Variants in GPR50 observed in about 807,000 individuals in gnomAD.
The protein encoded by GPR50 is G protein-coupled receptor 50, also known as melatonin-related receptor.
GPR50 carries 1 observed loss-of-function variant against 2.6 expected under a neutral mutation model. That is an observed-to-expected ratio of 0.38 (90% CI 0.13 to 1.79). The LOEUF is 1.79. Ranked by LOEUF, GPR50 falls within the 40% of genes most tolerant of loss-of-function variation. GPR50 has a pLI of 0.33. For missense variants in GPR50, 535 were observed against 522.1 expected, an observed-to-expected ratio of 1.02 and a Z score of -0.24; for synonymous variants, 233 against 202.3, an observed-to-expected ratio of 1.15 and a Z score of -1.29.
chrX:151,181,679 T>C (rs2048716210), downstream of GPR50, among the ~76,000 whole-genome samples: 1 of 111,849 alleles, frequency 8.9e-6, no homozygotes, highest in Non-Finnish European at 1.9e-5. Context: ...TGACATCTGT[T>C]GTTCCAAACC....
rs2048703149 is a variant in GPR50, at chrX:151,180,143, T to A, written c.560T>A (p.Val187Asp). Residue 187 changes from valine to aspartate, a missense_variant, in exon 2 of 2, where the codon GTC becomes GAC. Physicochemically the swap from Val to Asp is radical, Grantham distance 152. Transcript: ENST00000218316. ...ATCTTCAACTATCTGAACAACCCTG[T>A]CTTCACTGTTACCATCGTCTGCATC... ...TCIFNYLNNP[V>D]FTVTIVCIHF... The A allele has an allele frequency of 8.3e-7, 1 of 1,206,058 alleles. No homozygotes were observed. The highest frequency in any genetic ancestry group is 1.8e-5 in the South Asian group (1 of 56,747).
In GPR50 at chrX:151,180,940, T is replaced by G; in HGVS notation, c.1357T>G (p.Phe453Val). 8.3e-7 allele frequency: 1 copy of G among 1,210,688 alleles called. No individual in the cohort carries two copies. Among genetic ancestry groups the G allele is most frequent in the Non-Finnish European group, 1.1e-6 (1 of 895,252 alleles). ...SVHFKADSVH[F>V]KGDSVHFKPD... Reference sequence around the variant, plus strand: ...CCATTTCAAGGCTGACTCTGTCCATTTCAAGGGTGACTCTGTCCATTTCAA... The same window carrying G: ...CCATTTCAAGGCTGACTCTGTCCATGTCAAGGGTGACTCTGTCCATTTCAA... The change falls in exon 2 of 2, where the codon TTC (phenylalanine) becomes GTC (valine). Residue 453 changes from phenylalanine to valine, a missense_variant. Phe to Val is a conservative substitution (Grantham distance 50). Transcript: ENST00000218316.
intron 1 of GPR50, among the ~76,000 whole-genome samples, 192 bp downstream of exon 1, chrX:151,177,100 C>T (rs894507616): frequency 5.2e-4 from 59 of 112,393 alleles, no homozygotes; most frequent in Non-Finnish European, 1.7e-4. Flanking sequence ...GTTCTCAAGG[C>T]CGAGAGAGCA....
Position 151,180,339 on chromosome X carries a change from T to C in GPR50, c.756T>C (p.Pro252=), listed in dbSNP as rs771008668. 8.3e-7 allele frequency: 1 copy of C among 1,209,784 alleles called. No individual in the cohort carries two copies. Among genetic ancestry groups the C allele is most frequent in the East Asian group, 3.0e-5 (1 of 33,816 alleles). Residue 252 remains proline, a synonymous_variant, in exon 2 of 2, where the codon CCT becomes CCC. Transcript: ENST00000218316. ...TCCTCTTTGCAGTGTGCTGGTGCCC[T>C]ATCAACGTGCTCACTGTCTTGGTGG... ...IFLLFAVCWC[P]INVLTVLVAV... is the part of the protein sequence containing the mutation.
chrX:151,178,292 C>T (rs1386714597), intron 1 of GPR50, among the ~76,000 whole-genome samples: 1 of 112,192 alleles, frequency 8.9e-6, no homozygotes, highest in Non-Finnish European at 1.9e-5. Context: ...TAAAAGTTTT[C>T]TTACAAAGTC....
chrX:151,181,146 C>G lies in GPR50; in HGVS notation c.1563C>G (p.Pro521=), dbSNP rs377123063. 5 of 1,210,396 alleles carry G rather than the reference C, an allele frequency of 4.1e-6. No homozygotes were observed. The highest frequency in any genetic ancestry group is 3.5e-5 in the South Asian group (2 of 56,894). Residue 521 remains proline (P), a synonymous_variant, in exon 2 of 2, where the codon CCC becomes CCG. Coordinates refer to ENST00000218316, the MANE Select transcript of GPR50 (RefSeq NM_004224.3). The part of the protein sequence containing the change: ...SHAEPTTADY[P]KPATTSHPKP... ...CTGAGCCCACCACTGCTGACTATCC[C>G]AAGCCTGCCACTACCAGCCACCCTA...
intron 1 of GPR50, among the ~76,000 whole-genome samples, chrX:151,178,031 G>A (rs750245204): frequency 6.4e-4 from 71 of 110,377 alleles, no homozygotes; most frequent in African/African-American, 2.2e-3. Context: ...AAGGGGCAAA[G>A]GCGCCCAAAC....
chrX:151,182,306 A>G (rs2048719228), downstream of GPR50: 1 of 111,639 alleles, frequency 9.0e-6, no homozygotes, highest in Admixed American at 9.5e-5. Flanking sequence ...CTAAAATCCA[A>G]TCTTACGGTT....
Position 151,180,620 on chromosome X carries a change from C to A in GPR50, c.1037C>A (p.Ala346Asp). 8.3e-7 allele frequency: 1 copy of A among 1,209,430 alleles called. No individual in the cohort carries two copies. Among genetic ancestry groups the A allele is most frequent in the Admixed American group, 2.2e-5 (1 of 46,103 alleles). ...GCCCGTGCCCATGCTCGCGACCAAGCTCGTGAACAAGACCGTGCCCATGCC... is the reference window on the plus strand; with the variant it reads ...GCCCGTGCCCATGCTCGCGACCAAGATCGTGAACAAGACCGTGCCCATGCC... ...ARARAHARDQ[A>D]REQDRAHACP... Residue 346 changes from alanine to aspartate, a missense_variant, in exon 2 of 2, where the codon GCT becomes GAT. Transcript: ENST00000218316.
chrX:151,176,798 C>G lies in GPR50; in HGVS notation c.77C>G (p.Ala26Gly). 3 of 1,202,262 alleles carry G rather than the reference C, an allele frequency of 2.5e-6. No individual in the cohort carries two copies. Among genetic ancestry groups the G allele is most frequent in the Middle Eastern group, 4.7e-4 (2 of 4,283 alleles). ...CKLPQPEYPP[A>G]LIIFMFCAMV... ...CTACCCCAGCCAGAATACCCACCGGCTCTAATCATCTTTATGTTCTGCGCG... is the reference window on the plus strand; with the variant it reads ...CTACCCCAGCCAGAATACCCACCGGGTCTAATCATCTTTATGTTCTGCGCG... The change falls in exon 1 of 2, where the codon GCT (alanine) becomes GGT (glycine). Residue 26 changes from alanine (A) to glycine (G), a missense_variant. Ala to Gly is a moderately conservative substitution (Grantham distance 60). Coordinates refer to ENST00000218316, the MANE Select transcript of GPR50 (RefSeq NM_004224.3).
Position 151,181,256 on chromosome X carries a change from G to T in GPR50, c.1673G>T (p.Ser558Ile). Reference sequence around the variant, plus strand: ...ATTGCCCACCCTGTGTCTGACGACAGTGACCTCCCTGAGTCGGCCTCTAGC... The same window carrying T: ...ATTGCCCACCCTGTGTCTGACGACATTGACCTCCCTGAGTCGGCCTCTAGC... Reference protein sequence around the residue: ...PAIAHPVSDDSDLPESASSPA... With the variant: ...PAIAHPVSDDIDLPESASSPA... Residue 558 changes from serine (S) to isoleucine (I), a missense_variant, in exon 2 of 2, where the codon AGT becomes ATT. Ser to Ile is a moderately radical substitution (Grantham distance 142). Transcript: ENST00000218316. 2.5e-6 allele frequency: 3 copies of T among 1,210,908 alleles called. No individual in the cohort carries two copies. Among genetic ancestry groups the T allele is most frequent in the Non-Finnish European group, 3.4e-6 (3 of 895,084 alleles).
chrX:151,176,734 C>G lies in GPR50; in HGVS notation c.13C>G (p.Leu5Val), dbSNP rs1215653895. ...CCCCAGGAGCAACATGGGGCCCACC[C>G]TAGCGGTTCCCACCCCCTATGGCTG... is the stretch of plus-strand genomic sequence containing the variant. Reference protein sequence around the residue: MGPTLAVPTPYGCIG... With the variant: MGPTVAVPTPYGCIG... The change falls in exon 1 of 2, where the codon CTA becomes GTA. Residue 5 changes from leucine to valine, a missense_variant. Leu to Val is a conservative substitution (Grantham distance 32, BLOSUM62 1). Coordinates refer to ENST00000218316, the MANE Select transcript of GPR50 (RefSeq NM_004224.3). 4.2e-6 allele frequency: 5 copies of G among 1,186,304 alleles called. No individual in the cohort carries two copies. The African/African-American group carries it at 7.1e-5, about 17-fold the overall frequency.
downstream of GPR50, among the ~76,000 whole-genome samples, chrX:151,182,079 C>T (rs151304530): frequency 1.2e-4 from 13 of 112,420 alleles, no homozygotes; most frequent in African/African-American, 4.2e-4. Flanking sequence ...ATTTTTTATG[C>T]CTATGAGATC....
chrX:151,176,956 C>G, intron 1 of GPR50, 48 bp downstream of exon 1: 1 of 920,625 alleles, frequency 1.1e-6, no homozygotes, highest in Non-Finnish European at 1.5e-6. Context: ...GACTTGCAAC[C>G]CCTAGGGCGT....
chrX:151,176,702 T>A lies in GPR50; in HGVS notation c.-20T>A. The A allele has an allele frequency of 8.8e-7, 1 of 1,139,055 alleles. No individual in the cohort carries two copies. The highest frequency in any genetic ancestry group is 1.2e-6 in the Non-Finnish European group (1 of 849,927). The allele number at this position is 1,139,055 out of a possible 1,213,427, so 93.9% of individuals were successfully genotyped here. A position where few individuals can be genotyped will look rare whatever the true frequency, so the allele number is the denominator to read the frequency against. Reference sequence around the variant, plus strand: ...TGATCCTGAGCCTGCTGGGAGATCTTAACGATCCCCAGGAGCAACATGGGG... The same window carrying A: ...TGATCCTGAGCCTGCTGGGAGATCTAAACGATCCCCAGGAGCAACATGGGG... On this transcript the variant is annotated 5_prime_UTR_variant, in exon 1 of 2. Transcript: ENST00000218316.
chrX:151,180,968 C>T lies in GPR50; in HGVS notation c.1385C>T (p.Pro462Leu), dbSNP rs1310170870. 8.3e-7 allele frequency: 1 copy of T among 1,210,991 alleles called. No homozygotes were observed. The highest frequency in any genetic ancestry group is 1.1e-6 in the Non-Finnish European group (1 of 895,090). Residue 462 changes from proline to leucine, a missense_variant, in exon 2 of 2, where the codon CCT (proline) becomes CTT (leucine). Transcript: ENST00000218316. ...AAGGGTGACTCTGTCCATTTCAAGC[C>T]TGACTCTGTTCATTTCAAGCCTGCT... ...HFKGDSVHFK[P>L]DSVHFKPASS...
chrX:151,180,532 A>T lies in GPR50; in HGVS notation c.949A>T (p.Ile317Leu). Residue 317 changes from isoleucine (I) to leucine (L), a missense_variant, in exon 2 of 2, where the codon ATA becomes TTA. Coordinates refer to ENST00000218316, the MANE Select transcript of GPR50 (RefSeq NM_004224.3). Reference protein sequence around the residue: ...TIFHAMRHPIIFFSGLISDIR... With the variant: ...TIFHAMRHPILFFSGLISDIR... ...CTTCCATGCTATGCGGCACCCTATC[A>T]TATTCTTCTCTGGCCTCATCAGTGA... 8.3e-7 allele frequency: 1 copy of T among 1,210,944 alleles called. No homozygotes were observed. Among genetic ancestry groups the T allele is most frequent in the Non-Finnish European group, 1.1e-6 (1 of 895,297 alleles).
rs1428757714 is a variant in GPR50 at position 151,181,118 on chromosome X, A to G, written c.1535A>G (p.His512Arg). Reference protein sequence around the residue: ...TTGHIKPATSHAEPTTADYPK... With the variant: ...TTGHIKPATSRAEPTTADYPK... Reference sequence around the variant, plus strand: ...GGCCACATCAAGCCAGCTACCAGCCATGCTGAGCCCACCACTGCTGACTAT... The same window carrying G: ...GGCCACATCAAGCCAGCTACCAGCCGTGCTGAGCCCACCACTGCTGACTAT... Residue 512 changes from histidine (H) to arginine (R), a missense_variant, in exon 2 of 2, where the codon CAT becomes CGT. His to Arg is a conservative substitution (Grantham distance 29). Coordinates refer to ENST00000218316, the MANE Select transcript of GPR50 (RefSeq NM_004224.3). 1 of 1,206,471 alleles carries G rather than the reference A, an allele frequency of 8.3e-7. No individual in the cohort carries two copies. Among genetic ancestry groups the G allele is most frequent in the Admixed American group, 2.2e-5 (1 of 45,499 alleles).
Position 151,179,807 on chromosome X carries a change from T to A in GPR50, c.224T>A (p.Met75Lys), listed in dbSNP as rs1569566965. 8.4e-7 allele frequency: 1 copy of A among 1,192,759 alleles called. No homozygotes were observed. Residue 75 changes from methionine (M) to lysine (K), a missense_variant, in exon 2 of 2, where the codon ATG becomes AAG. Physicochemically the swap from Met to Lys is moderately conservative, Grantham distance 95. Coordinates refer to ENST00000218316, the MANE Select transcript of GPR50 (RefSeq NM_004224.3). ...GTGGTCAGTCTCTCTGTGGCCGATA[T>A]GCTGGTGGCCATCTACCCATACCCT... ...IFVVSLSVADMLVAIYPYPLM... is the reference protein window; with the variant it reads ...IFVVSLSVADKLVAIYPYPLM...
Sources: allele counts gnomAD v4.1 joint callset (sites outside exome capture counted in the v4.1 genomes callset), GRCh38; gene constraint gnomAD v4.1.1; transcripts MANE v1.5; gene names NCBI Gene and HGNC (gene_info 2026-07-23, HGNC 2026-07-21).